Variants in KLHL13 observed in about 807,000 individuals in gnomAD.
KLHL13 encodes kelch-like protein 13.
A neutral mutation model predicts 37.1 loss-of-function variants in KLHL13; 10 were observed. That is an observed-to-expected ratio of 0.27 (90% CI 0.17 to 0.46). The LOEUF (loss-of-function observed/expected upper bound fraction) is 0.46. KLHL13 is among the 20% of genes least tolerant of loss of function. KLHL13 has a pLI of 1.00. For synonymous variants in KLHL13, 163 were observed against 181.2 expected (o/e 0.90, Z 0.81); for missense variants, 360 against 509.3 (o/e 0.71, Z 2.82).
At chrX:117,983,109 G>C (rs2053681831) in intron 1 of KLHL13, among the ~76,000 whole-genome samples, 1 of 111,427 alleles carries the variant, frequency 9.0e-6, no homozygotes, top group Non-Finnish European at 1.9e-5. Flanking sequence ...AGGCAGAAGA[G>C]ACAGAGCTAG....
At chrX:118,080,762 A>C (rs1235856101) in intron 1 of KLHL13, among the ~76,000 whole-genome samples, 2 of 112,095 alleles carry the variant, frequency 1.8e-5, no homozygotes, top group African/African-American at 6.5e-5. Flanking sequence ...ATTACTGGGT[A>C]CATACCCAAA....
At chrX:117,898,697 G>T in exon 7 of KLHL13, 1 of 386,429 alleles carries the variant, frequency 2.6e-6, no homozygotes, top group East Asian at 4.1e-5. Flanking sequence ...AGCTTCTATG[G>T]GATACATTTC....
At chrX:118,088,707 G>A (rs1435720894) in intron 1 of KLHL13, among the ~76,000 whole-genome samples, 2 of 111,890 alleles carry the variant, frequency 1.8e-5, no homozygotes, top group Non-Finnish European at 1.9e-5. Context: ...AATAACTTAC[G>A]AAAAAGTCAG....
chrX:117,905,175 A>G (rs1220377976), intron 5 of KLHL13, among the ~76,000 whole-genome samples: 2 of 111,163 alleles, frequency 1.8e-5, no homozygotes, highest in Non-Finnish European at 3.8e-5. Flanking sequence ...AAATTTTAGT[A>G]GTTTTATTGT....
At chrX:118,093,264 A>G (rs6646079) in intron 1 of KLHL13, among the ~76,000 whole-genome samples, 1,966 of 112,143 alleles carry the variant, frequency 0.018, 45 homozygotes, top group African/African-American at 0.058. Flanking sequence ...TAACCAGATA[A>G]TACTAGTTAT....
intron 1 of KLHL13, among the ~76,000 whole-genome samples, chrX:118,094,656 C>A (rs1349076561): frequency 1.8e-5 from 2 of 111,140 alleles, no homozygotes; most frequent in African/African-American, 6.6e-5. Flanking sequence ...TCGGGTTACC[C>A]ACAAAGGGAA....
chrX:117,925,525 A>T (rs1269562470), intron 2 of KLHL13, among the ~76,000 whole-genome samples: 24 of 112,148 alleles, frequency 2.1e-4, no homozygotes, highest in African/African-American at 7.4e-4. Flanking sequence ...ATTTTATTCA[A>T]AGGACAGAAA....
intron 1 of KLHL13, among the ~76,000 whole-genome samples, chrX:117,958,416 G>T (rs2053238260): frequency 9.1e-6 from 1 of 109,538 alleles, no homozygotes; most frequent in Non-Finnish European, 1.9e-5. Flanking sequence ...TCATGCCATG[G>T]TTAACCATGG....
chrX:118,030,234 C>A (rs999359650), intron 1 of KLHL13, among the ~76,000 whole-genome samples: 5 of 111,555 alleles, frequency 4.5e-5, no homozygotes, highest in African/African-American at 1.6e-4. Flanking sequence ...AGTAAAGAAA[C>A]TGAGTAGGTT....
intron 1 of KLHL13, among the ~76,000 whole-genome samples, chrX:118,102,604 G>A (rs1049283003): frequency 3.6e-5 from 4 of 112,219 alleles, no homozygotes; most frequent in African/African-American, 1.3e-4. Flanking sequence ...AAAGAAGGTA[G>A]TCACTAATTT....
chrX:118,035,632 T>C (rs1455551976), intron 1 of KLHL13, among the ~76,000 whole-genome samples: 2 of 110,274 alleles, frequency 1.8e-5, no homozygotes, highest in Non-Finnish European at 3.8e-5. Context: ...CCACAGCCAA[T>C]ATCATACTGA....
intron 4 of KLHL13, among the ~76,000 whole-genome samples, chrX:117,918,838 A>G (rs1236642011): frequency 8.9e-6 from 1 of 112,082 alleles, no homozygotes; most frequent in Non-Finnish European, 1.9e-5. Context: ...TCCCTTATTA[A>G]AAGAAGAAAT....
At chrX:118,112,384 T>C (rs1365686211) in intron 1 of KLHL13, among the ~76,000 whole-genome samples, 2 of 111,248 alleles carry the variant, frequency 1.8e-5, no homozygotes, top group Admixed American at 1.9e-4. Context: ...ATAAGCATAA[T>C]TATGACACAA....
At chrX:118,016,565 G>A (rs147526618) in intron 1 of KLHL13, among the ~76,000 whole-genome samples, 9,395 of 111,504 alleles carry the variant, frequency 0.084, 352 homozygotes, top group Middle Eastern at 0.14. Context: ...CTTGCATTAT[G>A]TACAATACAG....
intron 1 of KLHL13, among the ~76,000 whole-genome samples, chrX:118,052,279 G>A (rs187416979): frequency 2.0e-3 from 222 of 109,389 alleles, no homozygotes; most frequent in African/African-American, 6.2e-3. Flanking sequence ...TTGGGAGGCT[G>A]AGGCGGGCGG....
chrX:117,914,099 T>C (rs1455998888), intron 4 of KLHL13: 1 of 111,084 alleles, frequency 9.0e-6, no homozygotes, highest in African/African-American at 3.3e-5. Flanking sequence ...TTATAACTGA[T>C]GTACCCAAAA....
chrX:118,023,808 A>G (rs898177386), intron 1 of KLHL13, among the ~76,000 whole-genome samples: 24 of 111,381 alleles, frequency 2.2e-4, no homozygotes, highest in African/African-American at 6.9e-4. Flanking sequence ...TTAACCTCAG[A>G]TAATCCACCC....
rs372142256 is a variant in KLHL13, at chrX:118,018,741, G to A, written c.-55-73166C>T. On this transcript the variant is annotated intron_variant, in intron 1 of 6. Coordinates refer to the KLHL13 transcript ENST00000371882. Reference sequence around the variant, plus strand: ...TATAAATCCTAGACATTTTTGTTACGGCTATTATAAATTGATTGTTTGCCA... The same window carrying A: ...TATAAATCCTAGACATTTTTGTTACAGCTATTATAAATTGATTGTTTGCCA... Among the ~76,000 whole-genome samples, 32 of 110,631 alleles carry A rather than the reference G, an allele frequency of 2.9e-4. No homozygotes were observed. In the East Asian group the frequency reaches 4.8e-3, roughly 17 times the overall value.
intron 4 of KLHL13, among the ~76,000 whole-genome samples, chrX:117,911,014 G>A (rs1277404245): frequency 1.8e-5 from 2 of 110,759 alleles, no homozygotes; most frequent in Non-Finnish European, 3.8e-5. Context: ...CTCATCAAAG[G>A]AAAAATAGGA....
Sources: gnomAD v4.1 joint callset for allele counts (sites outside exome capture counted in the v4.1 genomes callset) on GRCh38, gnomAD v4.1.1 for gene constraint, MANE v1.5 for transcripts, NCBI Gene and HGNC (gene_info 2026-07-23, HGNC 2026-07-21) for gene names.